RASA3: variants seen among roughly 807,000 people sequenced by gnomAD.
RASA3 encodes the protein ras GTPase-activating protein 3.
RASA3 carries 73 observed loss-of-function variants against 110.0 expected under a neutral mutation model. The ratio of observed to expected loss-of-function variants is 0.66; its 90% CI spans 0.55 to 0.81. The LOEUF is 0.81. Ranked by LOEUF, RASA3 falls within the 30% of genes least tolerant of loss-of-function variation. The pLI is 0.00. For synonymous variants in RASA3, 500 were observed against 451.4 expected, an observed-to-expected ratio of 1.11 and a Z score of -1.37; for missense variants, 976 against 1,113.2, an observed-to-expected ratio of 0.88 and a Z score of 1.75.
chr13:114,002,867 G>A (rs574026910), intron 18 of RASA3, among the ~76,000 whole-genome samples: 193 of 152,314 alleles, frequency 1.3e-3, no homozygotes, highest in Non-Finnish European at 2.1e-3. Context: ...AAAGCAGCTC[G>A]GCCCCGCGCA....
chr13:114,114,590 T>C lies in RASA3; in HGVS notation c.55+17845A>G, dbSNP rs910528762. Among the ~76,000 whole-genome samples the C allele has an allele frequency of 2.6e-5, 4 of 151,720 alleles. No individual in the cohort carries two copies. Among genetic ancestry groups the C allele is most frequent in the African/African-American group, 9.6e-5 (4 of 41,560 alleles). On this transcript the variant is annotated intron_variant, in intron 1 of 23. Coordinates refer to ENST00000334062, the MANE Select transcript of RASA3 (RefSeq NM_007368.4). The surrounding 1 kb of genome is among the most constrained non-coding windows in gnomAD (Gnocchi z 4.8). ...ACTTAAATAACAGCATATTCTCGTC[T>C]GGTCTTTAAACCACACAGGCCAAAA...
intron 4 of RASA3, among the ~76,000 whole-genome samples, chr13:114,036,386 G>A (rs527724027): frequency 8.0e-4 from 122 of 152,320 alleles, no homozygotes; most frequent in African/African-American, 2.8e-3. Flanking sequence ...TGTGACACTC[G>A]CTGTCCGGAC....
At chr13:114,119,696 TC>T (rs760052230) in intron 1 of RASA3, among the ~76,000 whole-genome samples, 8 of 4,252 alleles carry the variant, frequency 1.9e-3, no homozygotes, top group Admixed American at 3.2e-3. Flanking sequence ...GGGCCCCCCC[TC>T]CCTCTCTCCA....
chr13:114,103,440 G>GA (rs2080084710), intron 1 of RASA3, among the ~76,000 whole-genome samples: 2 of 152,152 alleles, frequency 1.3e-5, no homozygotes, highest in Admixed American at 6.5e-5. Context: ...CCAGACGGGG[G>GA]ACGGGGGGAC....
In RASA3 at chr13:113,996,545, G is replaced by A; in HGVS notation, c.2127C>T (p.Cys709=). The A allele has an allele frequency of 6.2e-7, 1 of 1,612,470 alleles. No individual in the cohort carries two copies. The highest frequency in any genetic ancestry group is 8.5e-7 in the Non-Finnish European group (1 of 1,179,952). The change falls in exon 21 of 24, where the codon TGC becomes TGT. Residue 709 remains cysteine, a synonymous_variant. Coordinates refer to ENST00000334062, the MANE Select transcript of RASA3 (RefSeq NM_007368.4). ...CACAGACCTACCCAGTGCAGGGCGA[G>A]CAGCCCGGAGCCGAGTCGGATGGCG... ...CRAPSDSAPG[C]SPCTGGLPAN...
At chr13:114,108,522 C>T (rs2080172519) in intron 1 of RASA3, 2 of 142,922 alleles carry the variant, frequency 1.4e-5, no homozygotes, top group Admixed American at 1.4e-4. Flanking sequence ...ACCCCATGTC[C>T]ATCACCCCAC....
intron 4 of RASA3, among the ~76,000 whole-genome samples, chr13:114,040,054 G>A (rs145683046): frequency 6.6e-6 from 1 of 152,244 alleles, no homozygotes; most frequent in African/African-American, 2.4e-5. Flanking sequence ...CCCCACCCAT[G>A]TTTTCTCTTG....
intron 7 of RASA3, 136 bp downstream of exon 7, chr13:114,027,253 C>A (rs533910337): frequency 2.7e-4 from 214 of 783,418 alleles, no homozygotes; most frequent in Admixed American, 5.1e-4. Context: ...GAACCCAGGG[C>A]CGGCTGGCGG....
Position 114,065,745 on chromosome 13 carries a change from G to A in RASA3, c.173+7975C>T, listed in dbSNP as rs1321917462. Among the ~76,000 whole-genome samples, 1 of 152,182 alleles carries A rather than the reference G, an allele frequency of 6.6e-6. No homozygotes were observed. Among genetic ancestry groups the A allele is most frequent in the Non-Finnish European group, 1.5e-5 (1 of 68,034 alleles). ...TGGCTCCCAGAGGTCAGAGGCTGGA[G>A]GGCAGGGGTCCGTGGTCAGCTCACA... On this transcript the variant is annotated intron_variant, in intron 2 of 23. Transcript: ENST00000334062. The surrounding 1 kb of genome is among the most constrained non-coding windows in gnomAD (Gnocchi z 4.1).
chr13:114,062,686 C>T lies in RASA3; in HGVS notation c.174-10531G>A, dbSNP rs1466760522. The stretch of plus-strand genomic sequence containing the variant: ...CACAGCCCACGTCCGCATGCAGACT[C>T]GGACACGCGTGCTCACAGCCCACGT... On this transcript the variant is annotated intron_variant, in intron 2 of 23. Transcript: ENST00000334062. Among the ~76,000 whole-genome samples, 5 of 152,066 alleles carry T rather than the reference C, an allele frequency of 3.3e-5. No homozygotes were observed. In the East Asian group the frequency reaches 7.7e-4, roughly 23 times the overall value.
chr13:113,980,397 GCAC>G (rs1362822946), intron 23 of RASA3, among the ~76,000 whole-genome samples: 4 of 136,192 alleles, frequency 2.9e-5, no homozygotes, highest in Non-Finnish European at 4.7e-5. Flanking sequence ...TCCCACGTGT[GCAC>G]CACCTCCTCC....
chr13:114,056,746 G>A lies in RASA3; in HGVS notation c.174-4591C>T, dbSNP rs866700233. 1 of 877,056 alleles carries A rather than the reference G, an allele frequency of 1.1e-6. No individual in the cohort carries two copies. Among genetic ancestry groups the A allele is most frequent in the African/African-American group, 1.8e-5 (1 of 55,150 alleles). 54.3% of individuals were successfully genotyped at this position (877,056 alleles called of 1,614,324 possible). A position where few individuals can be genotyped will look rare whatever the true frequency, so the allele number is the denominator to read the frequency against. Reference sequence around the variant, plus strand: ...GAGATAAAAATAGCAGAAAGAGGAAGCTACAAGAAAACATACGAACTCCAT... The same window carrying A: ...GAGATAAAAATAGCAGAAAGAGGAAACTACAAGAAAACATACGAACTCCAT... On this transcript the variant is annotated intron_variant, in intron 2 of 23. Transcript: ENST00000334062. This position sits in a 1 kb window ranked among gnomAD's most constrained non-coding sequence, Gnocchi z 5.7.
chr13:114,101,599 G>C (rs900970943), intron 1 of RASA3, among the ~76,000 whole-genome samples: 1 of 152,232 alleles, frequency 6.6e-6, no homozygotes, highest in African/African-American at 2.4e-5. Flanking sequence ...TGGCAAACAC[G>C]CTTGGCTGTC....
intron 4 of RASA3, among the ~76,000 whole-genome samples, chr13:114,030,794 T>C (rs1170778870): frequency 2.6e-5 from 4 of 151,084 alleles, no homozygotes; most frequent in Non-Finnish European, 5.9e-5. Context: ...CATGTCCACC[T>C]GTATGTGTGT....
At chr13:114,053,703 C>T (rs1378928937) in intron 2 of RASA3, among the ~76,000 whole-genome samples, 2 of 152,076 alleles carry the variant, frequency 1.3e-5, no homozygotes, top group African/African-American at 4.8e-5. Context: ...GAACCTGCAC[C>T]CTAAAGTCAG....
At chr13:114,043,104 G>A (rs547910293) in intron 3 of RASA3, among the ~76,000 whole-genome samples, 1 of 151,854 alleles carries the variant, frequency 6.6e-6, no homozygotes, top group Non-Finnish European at 1.5e-5. Flanking sequence ...CCGTGGGCCT[G>A]GGCCACCAGG....
intron 1 of RASA3, among the ~76,000 whole-genome samples, chr13:114,076,541 G>A (rs759803401): frequency 2.6e-5 from 4 of 151,798 alleles, no homozygotes; most frequent in Admixed American, 6.6e-5. Flanking sequence ...CACGCAGGCA[G>A]CACCGCACAC....
intron 1 of RASA3, among the ~76,000 whole-genome samples, chr13:114,099,615 C>T (rs1289297854): frequency 2.0e-5 from 2 of 100,690 alleles, no homozygotes; most frequent in South Asian, 3.9e-4. Context: ...GATGCAGCCC[C>T]CACAGCAGCC....
At chr13:114,128,699 G>A (rs975866130) in intron 1 of RASA3, among the ~76,000 whole-genome samples, 2 of 152,242 alleles carry the variant, frequency 1.3e-5, no homozygotes, top group African/African-American at 4.8e-5. Flanking sequence ...TCTTCTTCAC[G>A]GACAAGCTCC....
Sources: allele counts gnomAD v4.1 joint callset (sites outside exome capture counted in the v4.1 genomes callset), GRCh38; gene constraint gnomAD v4.1.1; non-coding constraint Gnocchi (gnomAD v3.1); transcripts MANE v1.5; gene names NCBI Gene and HGNC (gene_info 2026-07-23, HGNC 2026-07-21).